TMC3: variants seen among roughly 807,000 people sequenced by gnomAD.
The protein encoded by TMC3 is transmembrane channel-like protein 3.
In TMC3, 98 loss-of-function variants were observed where a neutral mutation model predicts 110.6. The ratio of observed to expected loss-of-function variants is 0.89; its 90% CI spans 0.75 to 1.05. The LOEUF (loss-of-function observed/expected upper bound fraction) is 1.05. Among genes scored for constraint, TMC3 ranks in the 50% least tolerant of loss-of-function variants. The pLI is 0.00. For missense variants in TMC3, 1,319 were observed against 1,373.2 expected, an observed-to-expected ratio of 0.96 and a Z score of 0.62; for synonymous variants, 489 against 513.1, an observed-to-expected ratio of 0.95 and a Z score of 0.63.
chr15:81,361,677 T>C (rs867244944), intron 4 of TMC3, among the ~76,000 whole-genome samples: 2 of 152,358 alleles, frequency 1.3e-5, no homozygotes, highest in Middle Eastern at 6.8e-3. Flanking sequence ...CTTCCAAATA[T>C]TAAATCTTCA....
chr15:81,341,371 A>G lies in TMC3; in HGVS notation c.1844+19T>C. 6.2e-7 allele frequency: 1 copy of G among 1,602,326 alleles called. No homozygotes were observed. Among genetic ancestry groups the G allele is most frequent in the Non-Finnish European group, 8.5e-7 (1 of 1,173,882 alleles). ...TGTATATATAGTTATCTGCATGATC[A>G]GATCTTATTCTTACTCACCTTGAGG... On this transcript the variant is annotated intron_variant, in intron 16 of 21. Coordinates refer to ENST00000359440, the MANE Select transcript of TMC3 (RefSeq NM_001080532.3).
At chr15:81,349,002 T>G (rs1955332994) in intron 11 of TMC3, among the ~76,000 whole-genome samples, 3 of 152,140 alleles carry the variant, frequency 2.0e-5, no homozygotes, top group African/African-American at 7.2e-5. Context: ...TAAATTTTTT[T>G]TTATTTTTAG....
chr15:81,351,777 T>A lies in TMC3; in HGVS notation c.1000A>T (p.Ile334Phe), dbSNP rs1434168913. 1.2e-6 allele frequency: 2 copies of A among 1,606,902 alleles called. No individual in the cohort carries two copies. The highest frequency in any genetic ancestry group is 1.7e-6 in the Non-Finnish European group (2 of 1,176,836). ...ILVLLSLAGS[I>F]YLIYFVVDRS... The stretch of plus-strand genomic sequence containing the variant: ...TCCACCACAAAGTAGATGAGATAAA[T>A]GCTCCCAGCCAGTGAGAGAAGCACC... Residue 334 changes from isoleucine to phenylalanine, a missense_variant, in exon 10 of 22, where the codon ATT (isoleucine) becomes TTT (phenylalanine). By Grantham distance (21) the Ile-to-Phe change is conservative. Transcript: ENST00000359440.
intron 5 of TMC3, 70 bp from the exon 6 acceptor site, chr15:81,358,570 A>T: frequency 3.9e-6 from 5 of 1,276,438 alleles, no homozygotes; most frequent in Non-Finnish European, 5.5e-6. Context: ...TGAGAGGTTG[A>T]TCTCCATGTG....
intron 17 of TMC3, among the ~76,000 whole-genome samples, chr15:81,339,004 A>T (rs545703096): frequency 6.6e-6 from 1 of 152,350 alleles, no homozygotes; most frequent in African/African-American, 2.4e-5. Context: ...TCCATATTGT[A>T]TCAAAGCTGA....
chr15:81,339,495 G>A lies in TMC3; in HGVS notation c.1854C>T (p.Asn618=), dbSNP rs757049927. Residue 618 remains asparagine, a synonymous_variant, in exon 17 of 22, where the codon AAC becomes AAT. Transcript: ENST00000359440. ...TAAACAGGAGCATTGCCAAGTAGAA[G>A]TTGTTGGATCTGCAGATAAATCAGA... The part of the protein sequence containing the change: ...QQVFRASRSN[N]FYLAMLLFML... The A allele has an allele frequency of 1.6e-5, 26 of 1,599,502 alleles. No homozygotes were observed. In the African/African-American group the frequency reaches 2.1e-4, roughly 13 times the overall value.
chr15:81,353,004 A>G (rs1046156039), intron 9 of TMC3, among the ~76,000 whole-genome samples: 12 of 152,248 alleles, frequency 7.9e-5, no homozygotes, highest in African/African-American at 2.6e-4. Context: ...TATTTTTAGT[A>G]GAGACTGGGT....
At chr15:81,373,093 G>T (rs544285199) in intron 1 of TMC3, among the ~76,000 whole-genome samples, 107 of 152,240 alleles carry the variant, frequency 7.0e-4, no homozygotes, top group Non-Finnish European at 1.2e-3. Flanking sequence ...AGCAATTTGG[G>T]TAGGCAAAAT....
chr15:81,369,168 G>T (rs936860868), intron 2 of TMC3, among the ~76,000 whole-genome samples: 65 of 152,202 alleles, frequency 4.3e-4, no homozygotes, highest in African/African-American at 1.5e-3. Flanking sequence ...TGACAGGTTT[G>T]ATTGGGAGGG....
intron 2 of TMC3, among the ~76,000 whole-genome samples, 171 bp from the exon 3 acceptor site, chr15:81,368,499 T>A (rs1894366465): frequency 1.4e-5 from 2 of 146,888 alleles, no homozygotes; most frequent in South Asian, 5.2e-4. Context: ...TAATTTTTGG[T>A]AATCAGAAAA....
intron 10 of TMC3, 55 bp from the exon 11 acceptor site, chr15:81,349,622 T>C: frequency 9.3e-7 from 1 of 1,079,520 alleles, no homozygotes; most frequent in Non-Finnish European, 1.2e-6. Flanking sequence ...CCACCAGCCC[T>C]CACCATGTGC....
intron 13 of TMC3, 52 bp from the exon 14 acceptor site, chr15:81,344,097 C>G: frequency 6.3e-7 from 1 of 1,576,868 alleles, no homozygotes. Flanking sequence ...TTCCCACGGT[C>G]ACTCTTCCTT....
In TMC3 at chr15:81,370,424, G is replaced by A. The variant is rs572113689; in HGVS notation, c.237-2096C>T. Among the ~76,000 whole-genome samples the A allele has an allele frequency of 1.9e-4, 29 of 152,270 alleles. No individual in the cohort carries two copies. In the South Asian group the frequency reaches 5.8e-3, roughly 30 times the overall value. On this transcript the variant is annotated intron_variant, in intron 2 of 21. Coordinates refer to ENST00000359440, the MANE Select transcript of TMC3 (RefSeq NM_001080532.3). Reference sequence around the variant, plus strand: ...GACGAAGGTGCTCAGAGGGCCAGCTGCACTCTGAGACCCTGGCCGCTGGCT... The same window carrying A: ...GACGAAGGTGCTCAGAGGGCCAGCTACACTCTGAGACCCTGGCCGCTGGCT...
At chr15:81,366,675 A>G (rs1444832493) in intron 3 of TMC3, among the ~76,000 whole-genome samples, 1 of 152,210 alleles carries the variant, frequency 6.6e-6, no homozygotes, top group East Asian at 1.9e-4. Flanking sequence ...TTTATTTCAT[A>G]AACTCCATCA....
chr15:81,370,232 T>C (rs182039363), intron 2 of TMC3, among the ~76,000 whole-genome samples: 57 of 152,366 alleles, frequency 3.7e-4, no homozygotes, highest in African/African-American at 1.3e-3. Context: ...TCTGCTTTTA[T>C]CTGCATCCTG....
chr15:81,372,690 T>G lies in TMC3; in HGVS notation c.137A>C (p.Asp46Ala), dbSNP rs1286528384. The change falls in exon 2 of 22, where the codon GAT becomes GCT. Residue 46 changes from aspartate (D) to alanine (A), a missense_variant. Asp to Ala is a moderately radical substitution (Grantham distance 126). Transcript: ENST00000359440. Reference protein sequence around the residue: ...FSADETGDSNDPEQIFQNIQF... With the variant: ...FSADETGDSNAPEQIFQNIQF... ...TATATTCTGGAAGATTTGTTCCGGA[T>G]CATTGCTGTCCCCTGTTTCATCAGC... is the stretch of plus-strand genomic sequence containing the variant. 2 of 1,613,888 alleles carry G rather than the reference T, an allele frequency of 1.2e-6. No individual in the cohort carries two copies. The highest frequency in any genetic ancestry group is 1.7e-6 in the Non-Finnish European group (2 of 1,179,886).
At chr15:81,370,763 C>T (rs1194419573) in intron 2 of TMC3, among the ~76,000 whole-genome samples, 1 of 151,112 alleles carries the variant, frequency 6.6e-6, no homozygotes, top group Non-Finnish European at 1.5e-5. Context: ...CAACCTCTTC[C>T]TCCCGGGTTC....
chr15:81,350,326 T>C (rs8023261), intron 10 of TMC3, among the ~76,000 whole-genome samples: 23,937 of 152,200 alleles, frequency 0.16, 3,599 homozygotes, highest in African/African-American at 0.4. Flanking sequence ...GGATGGAAGA[T>C]GGAAATAACT....
rs143174928 is a variant in TMC3 at position 81,344,058 on chromosome 15, G to A, written c.1519-13C>T. 2.5e-6 allele frequency: 4 copies of A among 1,602,752 alleles called. No homozygotes were observed. The highest frequency in any genetic ancestry group is 2.2e-5 in the East Asian group (1 of 44,654). On this transcript the variant is annotated splice_polypyrimidine_tract_variant and intron_variant, in intron 13 of 21. Coordinates refer to ENST00000359440, the MANE Select transcript of TMC3 (RefSeq NM_001080532.3). ...GCTTCAGCATCTCCTGAAACACAGG[G>A]CGTCCCTGGATGCCACCATGCCCCA...
Sources: gnomAD v4.1 joint callset for allele counts (sites outside exome capture counted in the v4.1 genomes callset) on GRCh38, gnomAD v4.1.1 for gene constraint, MANE v1.5 for transcripts, NCBI Gene and HGNC (gene_info 2026-07-23, HGNC 2026-07-21) for gene names.